The following NDC80 variants were observed in gnomAD, a reference collection of about 807,000 sequenced individuals.
NDC80 encodes the protein NDC80 kinetochore complex component.
A neutral mutation model predicts 89.3 loss-of-function variants in NDC80; 69 were observed. That is an observed-to-expected ratio of 0.77 (90% CI 0.64 to 0.94). The LOEUF is 0.94. Ranked by LOEUF, NDC80 falls within the 40% of genes least tolerant of loss-of-function variation. The pLI, the probability that NDC80 is intolerant of heterozygous loss-of-function variation, is 0.00. For synonymous variants in NDC80, 243 were observed against 255.6 expected, an observed-to-expected ratio of 0.95 and a Z score of 0.47; for missense variants, 593 against 739.6, an observed-to-expected ratio of 0.80 and a Z score of 2.30.
chr18:2,583,220 A>G (rs917553300), intron 6 of NDC80, among the ~76,000 whole-genome samples: 1 of 152,216 alleles, frequency 6.6e-6, no homozygotes, highest in Non-Finnish European at 1.5e-5. Flanking sequence ...TCCTTTCAGT[A>G]GTCTTTTCTA....
At chr18:2,602,400 T>A (rs2072688222) in intron 13 of NDC80, among the ~76,000 whole-genome samples, 1 of 152,158 alleles carries the variant, frequency 6.6e-6, no homozygotes, top group Non-Finnish European at 1.5e-5. Context: ...AAGAGTTTGA[T>A]CACATCATAC....
chr18:2,603,351 TTATACATATATATA>T (rs1432297697), intron 13 of NDC80, among the ~76,000 whole-genome samples: 1 of 80,916 alleles, frequency 1.2e-5, no homozygotes, highest in East Asian at 3.4e-4. Context: ...GAGAATATGT[TTATACATATATATA>T]TATATATATA....
chr18:2,583,584 C>A (rs138271298), intron 6 of NDC80, among the ~76,000 whole-genome samples: 2,369 of 151,940 alleles, frequency 0.016, 62 homozygotes, highest in African/African-American at 0.054. Flanking sequence ...GTAATCCCAG[C>A]TACTCAGGAG....
At chr18:2,573,957 A>C (rs1465079544) in intron 2 of NDC80, among the ~76,000 whole-genome samples, 1 of 152,028 alleles carries the variant, frequency 6.6e-6, no homozygotes, top group Non-Finnish European at 1.5e-5. Context: ...AAAAAAATGT[A>C]AATGTGGTTA....
At chr18:2,583,387 A>C (rs562382760) in intron 6 of NDC80, among the ~76,000 whole-genome samples, 6 of 152,166 alleles carry the variant, frequency 3.9e-5, no homozygotes, top group Admixed American at 2.0e-4. Context: ...TCTGCCCTAC[A>C]TGTCTTTCAG....
chr18:2,606,262 A>G (rs1289745910), intron 13 of NDC80, among the ~76,000 whole-genome samples, 153 bp from the exon 14 acceptor site: 1 of 152,058 alleles, frequency 6.6e-6, no homozygotes, highest in Non-Finnish European at 1.5e-5. Context: ...GGAGAATAAT[A>G]AAGTTTTTGG....
intron 6 of NDC80, among the ~76,000 whole-genome samples, chr18:2,580,810 C>T (rs545425609): frequency 6.2e-4 from 79 of 128,084 alleles, no homozygotes; most frequent in African/African-American, 2.1e-3. Flanking sequence ...GGCACAATCT[C>T]GGCTCACTGC....
chr18:2,587,307 G>C (rs1215017670), intron 7 of NDC80, among the ~76,000 whole-genome samples: 5 of 152,160 alleles, frequency 3.3e-5, no homozygotes, highest in Non-Finnish European at 7.4e-5. Flanking sequence ...AAGAATTCTA[G>C]TATTGTACTG....
intron 7 of NDC80, 49 bp from the exon 8 acceptor site, chr18:2,587,781 C>A (rs2072609403): frequency 6.9e-7 from 1 of 1,451,550 alleles, no homozygotes. Context: ...GTGAAACAGA[C>A]CAAATAGAGA....
At chr18:2,613,101 T>G (rs975866318) in intron 16 of NDC80, among the ~76,000 whole-genome samples, 3 of 152,228 alleles carry the variant, frequency 2.0e-5, no homozygotes, top group African/African-American at 7.2e-5. Context: ...ACATGTGGCT[T>G]GATGTTCTAG....
rs1555618134 is a variant in NDC80 at position 2,590,187 on chromosome 18, C to T, written c.1015+25C>T. 1.8e-5 allele frequency: 28 copies of T among 1,544,374 alleles called. 2 individuals are homozygous for T. The South Asian group carries it at 3.3e-4, about 18-fold the overall frequency. ...GGTAAGCAGAGCTAATGCTAAAAGA[C>T]TGGGATGCGAACCTGTGTGGGATTT... On this transcript the variant is annotated intron_variant, in intron 10 of 16. Coordinates refer to ENST00000261597, the MANE Select transcript of NDC80 (RefSeq NM_006101.3).
At chr18:2,610,988 T>G in intron 16 of NDC80, 127 bp downstream of exon 16, 2 of 500,206 alleles carry the variant, frequency 4.0e-6, no homozygotes, top group African/African-American at 2.0e-5. Context: ...TGGCAAAAAT[T>G]TATCAGAAGA....
rs1568001333 is a variant in NDC80, at chr18:2,589,256, CAG to C, written c.819_820del (p.Arg273SerfsTer4). On this transcript the variant is annotated frameshift_variant, in exon 9 of 17. Transcript: ENST00000261597. LOFTEE classifies it high-confidence loss of function. ...AGCTGGAATCATTAGAAGCAAAAAA[CAG>C]AGCATTGAATGAACAGATTGCAAGA... Reference protein sequence around the residue: ...FKLESLEAKNRALNEQIARLE... With the variant: ...FKLESLEAKNXALNEQIARLE... The C allele has an allele frequency of 1.2e-6, 2 of 1,613,762 alleles. No homozygotes were observed. Among genetic ancestry groups the C allele is most frequent in the Non-Finnish European group, 1.7e-6 (2 of 1,179,792 alleles).
intron 13 of NDC80, among the ~76,000 whole-genome samples, chr18:2,604,386 A>G (rs1048211916): frequency 6.6e-6 from 1 of 152,194 alleles, no homozygotes; most frequent in Non-Finnish European, 1.5e-5. Flanking sequence ...ACCAGAGACC[A>G]AGGAGTACAG....
At chr18:2,593,266 C>A (rs2072637255) in intron 10 of NDC80, among the ~76,000 whole-genome samples, 1 of 152,002 alleles carries the variant, frequency 6.6e-6, no homozygotes, top group South Asian at 2.1e-4. Flanking sequence ...GTTGGCCAGA[C>A]TGGTTTCGAA....
intron 9 of NDC80, among the ~76,000 whole-genome samples, chr18:2,589,639 T>G (rs2072617698): frequency 6.6e-6 from 1 of 152,230 alleles, no homozygotes; most frequent in Admixed American, 6.5e-5. Flanking sequence ...CCCTGAGTTT[T>G]GGAGGTAGTG....
chr18:2,608,858 G>A (rs762125259), intron 15 of NDC80, 28 bp downstream of exon 15: 6 of 1,566,974 alleles, frequency 3.8e-6, no homozygotes, highest in South Asian at 2.3e-5. Context: ...AGATTTATAC[G>A]TTTATTTTCA....
intron 8 of NDC80, 127 bp downstream of exon 8, chr18:2,588,050 AT>A: frequency 1.5e-6 from 1 of 651,252 alleles, no homozygotes; most frequent in Non-Finnish European, 2.6e-6. Context: ...ATGCCTACTG[AT>A]TTTTATCTTT....
chr18:2,615,365 A>G (rs559793879), intron 16 of NDC80: 1 of 152,350 alleles, frequency 6.6e-6, no homozygotes, highest in East Asian at 1.9e-4. Flanking sequence ...GGCCTTTGCC[A>G]GCTTCTAGAG....
Sources: allele counts gnomAD v4.1 joint callset (sites outside exome capture counted in the v4.1 genomes callset), GRCh38; gene constraint gnomAD v4.1.1; transcripts MANE v1.5; gene names NCBI Gene and HGNC (gene_info 2026-07-23, HGNC 2026-07-21).